RAVER2: variants seen among roughly 807,000 people sequenced by gnomAD.
The protein encoded by RAVER2 is ribonucleoprotein, PTB binding 2, also known as ribonucleoprotein PTB-binding 2.
A neutral mutation model predicts 78.1 loss-of-function variants in RAVER2; 46 were observed. The ratio of observed to expected loss-of-function variants is 0.59; its 90% CI spans 0.46 to 0.75. RAVER2 has a LOEUF of 0.75. RAVER2 is among the 30% of genes least tolerant of loss of function. RAVER2 has a pLI of 0.00. For synonymous variants in RAVER2, 311 were observed against 313.3 expected, an observed-to-expected ratio of 0.99 and a Z score of 0.08; for missense variants, 793 against 837.5, an observed-to-expected ratio of 0.95 and a Z score of 0.66.
At chr1:64,824,386 G>A (rs1444538902) in intron 11 of RAVER2, among the ~76,000 whole-genome samples, 1 of 152,180 alleles carries the variant, frequency 6.6e-6, no homozygotes, top group East Asian at 1.9e-4. Flanking sequence ...GTCAAATAAT[G>A]CAGACAGACT....
chr1:64,798,004 C>T lies in RAVER2; in HGVS notation c.1106-4972C>T, dbSNP rs1325523095. Among the ~76,000 whole-genome samples the T allele has an allele frequency of 6.0e-5, 9 of 149,352 alleles. No individual in the cohort carries two copies. In the East Asian group the frequency reaches 8.0e-4, roughly 13 times the overall value. On this transcript the variant is annotated intron_variant, in intron 5 of 11. Transcript: ENST00000294428. ...TAGTTACATATGTATACATGTGCCA[C>T]GCTGGTGTGCTGCAGCCACTAACTC...
intron 2 of RAVER2, among the ~76,000 whole-genome samples, chr1:64,771,834 T>C (rs1296104980): frequency 6.6e-6 from 1 of 151,752 alleles, no homozygotes; most frequent in Non-Finnish European, 1.5e-5. Context: ...TTGGAACCTA[T>C]AGTGGTGTTC....
chr1:64,803,013 G>A (rs762847286), exon 6 of RAVER2: 2 of 1,610,232 alleles, frequency 1.2e-6, no homozygotes, highest in Non-Finnish European at 1.7e-6. Flanking sequence ...CACATCTGAT[G>A]AATCCATCCA....
chr1:64,814,716 A>C, exon 11 of RAVER2: 1 of 1,476,468 alleles, frequency 6.8e-7, no homozygotes. Context: ...CCTGCAAGTA[A>C]AACCACTCTT....
rs1651519016 is a variant in RAVER2, at chr1:64,745,873, G to T, written c.249+452G>T. 6.6e-6 allele frequency among the ~76,000 whole-genome samples: 1 copy of T among 152,158 alleles called. No homozygotes were observed. Among genetic ancestry groups the T allele is most frequent in the African/African-American group, 2.4e-5 (1 of 41,442 alleles). Reference sequence around the variant, plus strand: ...CCCGGTGCTCGGGAGTGCCATAGGGGGCAGGGGCACGAGAGAGCTGGGAGT... The same window carrying T: ...CCCGGTGCTCGGGAGTGCCATAGGGTGCAGGGGCACGAGAGAGCTGGGAGT... On this transcript the variant is annotated intron_variant, in intron 1 of 11. Transcript: ENST00000294428. The surrounding 1 kb of genome is among the most constrained non-coding windows in gnomAD (Gnocchi z 4.3).
chr1:64,824,961 T>TAAAAAAAAAAAAAAAAA (rs1653974929), intron 11 of RAVER2, among the ~76,000 whole-genome samples: 1 of 104,836 alleles, frequency 9.5e-6, no homozygotes, highest in African/African-American at 5.8e-5. Flanking sequence ...AAAAAAAAAT[T>TAAAAAAAAAAAAAAAAA]AGTGCTGTGC....
Position 64,797,912 on chromosome 1 carries a change from G to GT in RAVER2, c.1106-5053dup, listed in dbSNP as rs59410412. 8.7e-4 allele frequency among the ~76,000 whole-genome samples: 125 copies of GT among 142,898 alleles called. No homozygotes were observed. In the Middle Eastern group the frequency reaches 0.011, roughly 12 times the overall value. 93.7% of individuals were successfully genotyped at this position (142,898 alleles called of 152,430 possible). ...TAATGTGTGACTTTAAAGTAATGTA[G>GT]TTTTTTTTTTTCTTTTTTTTTTTAT... On this transcript the variant is annotated intron_variant, in intron 5 of 11. Coordinates refer to ENST00000294428, the Ensembl canonical transcript of RAVER2.
At chr1:64,752,317 T>G (rs1344848773) in intron 1 of RAVER2, among the ~76,000 whole-genome samples, 1 of 152,240 alleles carries the variant, frequency 6.6e-6, no homozygotes, top group East Asian at 1.9e-4. Context: ...CTGCTTCCTC[T>G]TTAAAAGTCG....
intron 9 of RAVER2, among the ~76,000 whole-genome samples, chr1:64,811,039 T>G (rs1047754474): frequency 6.6e-6 from 1 of 152,204 alleles, no homozygotes; most frequent in African/African-American, 2.4e-5. Flanking sequence ...TTTACTACCA[T>G]AACATGTATA....
Position 64,805,076 on chromosome 1 carries a change from T to A in RAVER2, c.1382T>A (p.Leu461Ter), listed in dbSNP as rs750505611. The change falls in exon 8 of 12, where the codon TTG becomes TAG. Residue 461 changes from leucine to a stop codon, truncating the protein, a stop_gained. Transcript: ENST00000294428. LOFTEE classifies it high-confidence loss of function. ...TCAGTGCTTCCATTGAAAAAGGAGT[T>A]GGGACATCATCATGGAGAAGCACAT... 1 of 1,614,038 alleles carries A rather than the reference T, an allele frequency of 6.2e-7. No homozygotes were observed. The highest frequency in any genetic ancestry group is 1.1e-5 in the South Asian group (1 of 91,078).
chr1:64,803,077 T>C lies in RAVER2; in HGVS notation c.1191+16T>C, dbSNP rs779794485. On this transcript the variant is annotated intron_variant, in intron 6 of 11. Coordinates refer to ENST00000294428, the Ensembl canonical transcript of RAVER2. Reference sequence around the variant, plus strand: ...AGCACATCAGGTACATAAATAACATTGAGTACTGAAGCATTAAATATTCGG... The same window carrying C: ...AGCACATCAGGTACATAAATAACATCGAGTACTGAAGCATTAAATATTCGG... The C allele has an allele frequency of 9.9e-6, 15 of 1,515,380 alleles. No individual in the cohort carries two copies. The African/African-American group carries it at 1.4e-4, about 14-fold the overall frequency. 93.9% of individuals were successfully genotyped at this position (1,515,380 alleles called of 1,614,324 possible). A position where few individuals can be genotyped will look rare whatever the true frequency, so the allele number is the denominator to read the frequency against.
intron 5 of RAVER2, among the ~76,000 whole-genome samples, chr1:64,794,438 G>A (rs930725780): frequency 2.0e-5 from 3 of 148,372 alleles, no homozygotes; most frequent in Admixed American, 6.7e-5. Flanking sequence ...GTTTTCCAAT[G>A]TGGTTGAGCC....
In RAVER2 at chr1:64,832,958, AG is replaced by A. The variant is rs1654208033; in HGVS notation, c.*1975del. 3 of 161,068 alleles carry A rather than the reference AG, an allele frequency of 1.9e-5. No individual in the cohort carries two copies. The Admixed American group carries it at 1.9e-4, about 10-fold the overall frequency. The allele number at this position is 161,068 out of a possible 1,614,324, so 10.0% of individuals were successfully genotyped here. A position where few individuals can be genotyped will look rare whatever the true frequency, so the allele number is the denominator to read the frequency against. On this transcript the variant is annotated 3_prime_UTR_variant, in exon 12 of 12. Coordinates refer to ENST00000294428, the Ensembl canonical transcript of RAVER2. The stretch of plus-strand genomic sequence containing the variant: ...CTGCAAAAAGTCAGTCAGTCAAAGC[AG>A]GAAGAGGTTGAAGGAACTAAAACAA...
intron 5 of RAVER2, among the ~76,000 whole-genome samples, chr1:64,798,058 T>G (rs1653147396): frequency 7.1e-6 from 1 of 141,832 alleles, no homozygotes; most frequent in Non-Finnish European, 1.5e-5. Flanking sequence ...TATCTCCCAA[T>G]GCTATCCCTC....
intron 5 of RAVER2, among the ~76,000 whole-genome samples, chr1:64,791,169 T>C (rs1255031653): frequency 6.6e-6 from 1 of 152,220 alleles, no homozygotes; most frequent in Non-Finnish European, 1.5e-5. Context: ...TTCTGTGTCC[T>C]CTACCCATCA....
chr1:64,760,423 C>T (rs1651988969), intron 1 of RAVER2, among the ~76,000 whole-genome samples: 1 of 151,910 alleles, frequency 6.6e-6, no homozygotes, highest in Non-Finnish European at 1.5e-5. Context: ...TCACCTGAGT[C>T]CTGGGGAGAG....
At chr1:64,828,056 G>A (rs143610647) in intron 11 of RAVER2, among the ~76,000 whole-genome samples, 1 of 151,978 alleles carries the variant, frequency 6.6e-6, no homozygotes, top group African/African-American at 2.4e-5. Flanking sequence ...CTCCTGGAAG[G>A]GTCACCACCT....
At chr1:64,826,055 C>T (rs1474326036) in intron 11 of RAVER2, among the ~76,000 whole-genome samples, 1 of 152,206 alleles carries the variant, frequency 6.6e-6, no homozygotes, top group Non-Finnish European at 1.5e-5. Context: ...GTCAGAGTGT[C>T]AGAGACCATG....
At chr1:64,791,246 G>T (rs533578221) in intron 5 of RAVER2, among the ~76,000 whole-genome samples, 3 of 152,072 alleles carry the variant, frequency 2.0e-5, no homozygotes, top group African/African-American at 7.2e-5. Flanking sequence ...ACTGAACTTC[G>T]ATGTCCAGAG....
Sources: allele counts gnomAD v4.1 joint callset (sites outside exome capture counted in the v4.1 genomes callset), GRCh38; gene constraint gnomAD v4.1.1; non-coding constraint Gnocchi (gnomAD v3.1); transcripts MANE v1.5; gene names NCBI Gene and HGNC (gene_info 2026-07-23, HGNC 2026-07-21).